YLPM1: variants seen among roughly 807,000 people sequenced by gnomAD.
YLPM1 encodes the protein YLP motif-containing protein 1.
A neutral mutation model predicts 230.0 loss-of-function variants in YLPM1; 99 were observed. That is an observed-to-expected ratio of 0.43 (90% CI 0.37 to 0.51). YLPM1 has a LOEUF of 0.51. YLPM1 is among the 20% of genes least tolerant of loss of function. YLPM1 has a pLI of 0.00. For missense variants in YLPM1, 2,592 were observed against 2,707.7 expected (o/e 0.96, Z 0.95); for synonymous variants, 984 against 942.5 (o/e 1.04, Z -0.81).
intron 18 of YLPM1, chr14:74,827,784 G>T (rs2091577252): frequency 1.0e-6 from 1 of 985,178 alleles, no homozygotes; most frequent in Non-Finnish European, 1.2e-6. Context: ...GGACTTCGTT[G>T]GTTTTCTAAT....
chr14:74,822,254 G>T (rs1417983635), intron 17 of YLPM1: 2 of 152,058 alleles, frequency 1.3e-5, no homozygotes, highest in Non-Finnish European at 2.9e-5. Context: ...GACTTCTTTA[G>T]CCATTTGCAG....
intron 1 of YLPM1, among the ~76,000 whole-genome samples, chr14:74,769,232 G>T (rs900732399): frequency 1.5e-5 from 2 of 137,036 alleles, no homozygotes; most frequent in African/African-American, 5.4e-5. Context: ...CTGCCACCAC[G>T]CCCGGCTAAT....
intron 1 of YLPM1, among the ~76,000 whole-genome samples, chr14:74,772,237 A>G (rs537903090): frequency 4.1e-5 from 6 of 148,128 alleles, no homozygotes; most frequent in East Asian, 2.0e-4. Flanking sequence ...TTTTTTTCTC[A>G]GAGAGATGGG....
At chr14:74,816,533 T>C in intron 12 of YLPM1, 38 bp from the exon 13 acceptor site, 3 of 1,578,974 alleles carry the variant, frequency 1.9e-6, no homozygotes, top group Non-Finnish European at 2.6e-6. Context: ...ATTTATTCCA[T>C]AAATTCGTTT....
intron 1 of YLPM1, among the ~76,000 whole-genome samples, chr14:74,769,342 G>A (rs1033586171): frequency 1.5e-5 from 2 of 132,166 alleles, no homozygotes; most frequent in African/African-American, 2.8e-5. Flanking sequence ...GCACGATCTC[G>A]GCTCACTGCA....
chr14:74,809,328 A>G, intron 6 of YLPM1, 52 bp from the exon 7 acceptor site: 2 of 1,531,142 alleles, frequency 1.3e-6, no homozygotes, highest in Non-Finnish European at 1.7e-6. Context: ...CCACTGATCT[A>G]TAAAAACATA....
rs955491422 is a variant in YLPM1 at position 74,763,328 on chromosome 14, G to C, written c.-162G>C. 1.0e-5 allele frequency: 8 copies of C among 788,146 alleles called. No homozygotes were observed. Among genetic ancestry groups the C allele is most frequent in the Non-Finnish European group, 1.4e-5 (8 of 563,202 alleles). 48.8% of individuals were successfully genotyped at this position (788,146 alleles called of 1,614,324 possible). A position where few individuals can be genotyped will look rare whatever the true frequency, so the allele number is the denominator to read the frequency against. On this transcript the variant is annotated 5_prime_UTR_variant, in exon 1 of 21. Coordinates refer to ENST00000325680, the MANE Select transcript of YLPM1 (RefSeq NM_019589.3). ...GTCGCGTCCCCGCCTTCCCGGTCGCGGGCCCAGCTCGGGAGCGCCGGCGCA... is the reference window on the plus strand; with the variant it reads ...GTCGCGTCCCCGCCTTCCCGGTCGCCGGCCCAGCTCGGGAGCGCCGGCGCA...
At chr14:74,809,879 AC>A in intron 7 of YLPM1, 30 bp from the exon 8 acceptor site, 1 of 1,603,622 alleles carries the variant, frequency 6.2e-7, no homozygotes. Flanking sequence ...CTTCACTCTT[AC>A]AGTACTTTAT....
At position 74,764,373 on chromosome 14, in the gene YLPM1, A is replaced by G. The variant is rs779007960; in HGVS notation, c.873+11A>G. ...ACGATGACTCCACAGGTAAGAAAGC[A>G]TCTGCCTGAACCTCATCTTTCACCT... On this transcript the variant is annotated intron_variant, in intron 1 of 20. Transcript: ENST00000325680. 6 of 1,592,006 alleles carry G rather than the reference A, an allele frequency of 3.8e-6. No individual in the cohort carries two copies. The highest frequency in any genetic ancestry group is 2.7e-5 in the African/African-American group (2 of 74,388).
Position 74,797,692 on chromosome 14 carries a change from G to T in YLPM1, c.2395G>T (p.Gly799Cys), listed in dbSNP as rs1407740086. ...RPDGPRPRYE[G>C]HPAEGTKSKW... ...CGATGGGCCAAGACCCAGATATGAA[G>T]GTCACCCAGCAGAGGGCACTAAAAG... The change falls in exon 5 of 21, where the codon GGT becomes TGT. Residue 799 changes from glycine (G) to cysteine (C), a missense_variant. Gly to Cys is a radical substitution (Grantham distance 159, BLOSUM62 -3). Coordinates refer to ENST00000325680, the MANE Select transcript of YLPM1 (RefSeq NM_019589.3). The T allele has an allele frequency of 1.2e-6, 2 of 1,612,788 alleles. No homozygotes were observed. The highest frequency in any genetic ancestry group is 4.5e-5 in the East Asian group (2 of 44,838).
intron 4 of YLPM1, among the ~76,000 whole-genome samples, chr14:74,789,941 C>G (rs2091190348): frequency 6.6e-6 from 1 of 150,756 alleles, no homozygotes; most frequent in African/African-American, 2.4e-5. Flanking sequence ...TTTTTTAAAC[C>G]TTCAAGAATG....
intron 14 of YLPM1, 30 bp downstream of exon 14, chr14:74,817,137 T>C: frequency 6.3e-7 from 1 of 1,596,142 alleles, no homozygotes; most frequent in South Asian, 1.1e-5. Flanking sequence ...TAAAGTACTT[T>C]GTGTTGTCAT....
intron 1 of YLPM1, among the ~76,000 whole-genome samples, chr14:74,769,855 C>CT (rs2090957815): frequency 1.0e-5 from 1 of 95,508 alleles, no homozygotes; most frequent in African/African-American, 3.7e-5. Flanking sequence ...TGAGACACCC[C>CT]CCCCCCCGCC....
At chr14:74,801,127 T>G (rs1051128341) in intron 5 of YLPM1, among the ~76,000 whole-genome samples, 1 of 152,216 alleles carries the variant, frequency 6.6e-6, no homozygotes, top group Non-Finnish European at 1.5e-5. Flanking sequence ...TTGCTTTGCA[T>G]GGTAATGCTG....
intron 4 of YLPM1, among the ~76,000 whole-genome samples, chr14:74,788,151 C>T (rs758834740): frequency 5.3e-5 from 8 of 149,830 alleles, no homozygotes; most frequent in South Asian, 2.1e-4. Context: ...GATGGAGTCT[C>T]GCTCTGTCGC....
At chr14:74,804,841 C>G (rs2091360985) in intron 6 of YLPM1, among the ~76,000 whole-genome samples, 1 of 152,114 alleles carries the variant, frequency 6.6e-6, no homozygotes, top group Admixed American at 6.5e-5. Context: ...ATTTGCTTAA[C>G]AAATCATAAT....
intron 12 of YLPM1, 81 bp downstream of exon 12, chr14:74,816,346 A>G (rs568127858): frequency 4.4e-5 from 63 of 1,424,028 alleles, no homozygotes; most frequent in East Asian, 2.6e-4. Flanking sequence ...ATAGCAAGCA[A>G]CATAATGCCA....
In YLPM1 at chr14:74,817,108, G is replaced by GT. The variant is rs2091485103; in HGVS notation, c.5862+2dup. 1 of 1,601,780 alleles carries GT rather than the reference G, an allele frequency of 6.2e-7. No individual in the cohort carries two copies. Among genetic ancestry groups the GT allele is most frequent in the Admixed American group, 1.7e-5 (1 of 57,548 alleles). ...TGCAGCAAAAACCAAGGGATTTGAGGTAGAAGCTTAAAGAACTTTAAAGTA... is the reference window on the plus strand; with the variant it reads ...TGCAGCAAAAACCAAGGGATTTGAGGTTAGAAGCTTAAAGAACTTTAAAGTA... On this transcript the variant is annotated splice_donor_variant, in intron 14 of 20. Transcript: ENST00000325680. LOFTEE classifies it high-confidence loss of function.
At chr14:74,784,788 T>A (rs1013641836) in intron 4 of YLPM1, among the ~76,000 whole-genome samples, 1 of 152,234 alleles carries the variant, frequency 6.6e-6, no homozygotes, top group Non-Finnish European at 1.5e-5. Flanking sequence ...ATTACCCTCA[T>A]GTCTCCCTCA....
Sources: gnomAD v4.1 joint callset for allele counts (sites outside exome capture counted in the v4.1 genomes callset) on GRCh38, gnomAD v4.1.1 for gene constraint, MANE v1.5 for transcripts, NCBI Gene and HGNC (gene_info 2026-07-23, HGNC 2026-07-21) for gene names.